Variants in PDE6A observed in about 807,000 individuals in gnomAD.
PDE6A encodes phosphodiesterase 6A, also known as rod cGMP-specific 3',5'-cyclic phosphodiesterase subunit alpha.
Under a neutral mutation model 106.3 loss-of-function variants are expected in PDE6A, and 84 were observed. The ratio of observed to expected loss-of-function variants is 0.79; its 90% confidence interval spans 0.66 to 0.95. The LOEUF is 0.95. Among genes scored for constraint, PDE6A ranks in the 40% least tolerant of loss-of-function variants. PDE6A has a pLI of 0.00. For synonymous variants in PDE6A, 394 were observed against 386.6 expected (o/e 1.02, Z -0.23); for missense variants, 1,052 against 1,084.9 (o/e 0.97, Z 0.43).
intron 6 of PDE6A, among the ~76,000 whole-genome samples, chr5:149,908,383 T>C (rs1753269820): frequency 6.6e-6 from 1 of 152,212 alleles, no homozygotes; most frequent in Admixed American, 6.5e-5. Context: ...CTTTACTAGA[T>C]GAGGCCAAAC....
At chr5:149,898,278 G>T in intron 10 of PDE6A, 85 bp downstream of exon 10, 2 of 1,233,272 alleles carry the variant, frequency 1.6e-6, no homozygotes, top group Non-Finnish European at 1.2e-6. Context: ...GTGCCCTCAT[G>T]GAGTTGCAAG....
At chr5:149,932,936 C>A (rs1041070481) in intron 3 of PDE6A, among the ~76,000 whole-genome samples, 1 of 152,200 alleles carries the variant, frequency 6.6e-6, no homozygotes, top group African/African-American at 2.4e-5. Context: ...GGCACAGCAC[C>A]GGCGGAGTGG....
rs373617704 is a variant in PDE6A at position 149,903,823 on chromosome 5, G to A, written c.1066-128C>T. On this transcript the variant is annotated intron_variant, in intron 7 of 21. Transcript: ENST00000255266. The stretch of plus-strand genomic sequence containing the variant: ...GCATTCACATTCTTTTCATCAGGTA[G>A]ACATAGTCGAGACAGTTTTCAATTA... 3.0e-5 allele frequency: 24 copies of A among 803,014 alleles called. No homozygotes were observed. The East Asian group carries it at 3.9e-4, about 13-fold the overall frequency. 49.7% of individuals were successfully genotyped at this position (803,014 alleles called of 1,614,324 possible).
intron 6 of PDE6A, among the ~76,000 whole-genome samples, chr5:149,910,874 CTTTT>C (rs386405293): frequency 3.8e-3 from 329 of 87,150 alleles, no homozygotes; most frequent in African/African-American, 0.014. Context: ...TTTCTTTTTC[CTTTT>C]TTTTTTTTTT....
In PDE6A at chr5:149,944,590, G is replaced by C; in HGVS notation, c.84C>G (p.Tyr28Ter). Residue 28 changes from tyrosine (Y) to a stop codon, truncating the protein, a stop_gained, in exon 1 of 22, where the codon TAC (tyrosine) becomes TAG (stop). Coordinates refer to ENST00000255266, the MANE Select transcript of PDE6A (RefSeq NM_000440.3). LOFTEE classifies it high-confidence loss of function. Reference protein sequence around the residue: ...GFAKQYYNLHYRAKLISDLLG... With the variant: ...GFAKQYYNLH ...GGAGGTCGGAGATGAGCTTGGCCCG[G>C]TAGTGGAGGTTGTAGTACTGTTTGG... 6.2e-7 allele frequency: 1 copy of C among 1,614,034 alleles called. No homozygotes were observed. Among genetic ancestry groups the C allele is most frequent in the Non-Finnish European group, 8.5e-7 (1 of 1,180,002 alleles).
Position 149,879,038 on chromosome 5 carries a change from T to C in PDE6A, c.2135+4391A>G, listed in dbSNP as rs184871116. On this transcript the variant is annotated intron_variant, in intron 17 of 21. Coordinates refer to ENST00000255266, the MANE Select transcript of PDE6A (RefSeq NM_000440.3). ...TTACGATTTTCATGTCATATTTTATTTATGTTTATTTTATTTTGTTTTATT... is the reference window on the plus strand; with the variant it reads ...TTACGATTTTCATGTCATATTTTATCTATGTTTATTTTATTTTGTTTTATT... Among the ~76,000 whole-genome samples, 552 of 152,096 alleles carry C rather than the reference T, an allele frequency of 3.6e-3. 2 individuals are homozygous for C. The highest frequency in any genetic ancestry group is 3.5e-3 in the Admixed American group (53 of 15,236).
Position 149,907,394 on chromosome 5 carries a change from A to T in PDE6A, c.999-16T>A, listed in dbSNP as rs1753232534. ...AGGTGGATTCCTGTGAAGGCCAAAG[A>T]CAAAACGGTGACTCTCAGTGCAGGG... On this transcript the variant is annotated splice_polypyrimidine_tract_variant and intron_variant, in intron 6 of 21. Transcript: ENST00000255266. 1 of 1,609,416 alleles carries T rather than the reference A, an allele frequency of 6.2e-7. No homozygotes were observed. Among genetic ancestry groups the T allele is most frequent in the East Asian group, 2.2e-5 (1 of 44,860 alleles).
At position 149,884,851 on chromosome 5, in the gene PDE6A, C is replaced by G. The variant is rs1752223184; in HGVS notation, c.1855G>C (p.Ala619Pro). 1 of 1,613,712 alleles carries G rather than the reference C, an allele frequency of 6.2e-7. No homozygotes were observed. The highest frequency in any genetic ancestry group is 8.5e-7 in the Non-Finnish European group (1 of 1,179,682). Residue 619 changes from alanine to proline, a missense_variant, in exon 15 of 22, where the codon GCC becomes CCC. Physicochemically the swap from Ala to Pro is conservative, Grantham distance 27. Around this residue, in one of 3 missense-constraint regions of PDE6A, gnomAD observed 913 missense variants for 915.2 expected, o/e 1.00. Coordinates refer to ENST00000255266, the MANE Select transcript of PDE6A (RefSeq NM_000440.3). ...AAGATAGAGGACCCATGGAGCTTGGCCAGTGGGTTCTGGGATCTGAATGAG... is the reference window on the plus strand; with the variant it reads ...AAGATAGAGGACCCATGGAGCTTGGGCAGTGGGTTCTGGGATCTGAATGAG... ...LYQMKSQNPL[A>P]KLHGSSILER...
At chr5:149,899,649 G>A (rs1752894970) in intron 8 of PDE6A, 125 bp from the exon 9 acceptor site, 7 of 933,698 alleles carry the variant, frequency 7.5e-6, no homozygotes, top group Non-Finnish European at 1.2e-5. Context: ...GGAGTTCATT[G>A]GATTTCGCAT....
chr5:149,902,638 T>C (rs1753021090), intron 8 of PDE6A, among the ~76,000 whole-genome samples: 1 of 151,906 alleles, frequency 6.6e-6, no homozygotes, highest in Non-Finnish European at 1.5e-5. Context: ...CTGATCAACA[T>C]GGCGAGATCC....
intron 17 of PDE6A, among the ~76,000 whole-genome samples, chr5:149,875,911 C>T (rs545526500): frequency 6.6e-6 from 1 of 152,156 alleles, no homozygotes; most frequent in South Asian, 2.1e-4. Context: ...CCTCTATTTC[C>T]ACTTGACTTC....
At chr5:149,943,820 C>T (rs1487691427) in intron 1 of PDE6A, among the ~76,000 whole-genome samples, 1 of 151,588 alleles carries the variant, frequency 6.6e-6, no homozygotes, top group Non-Finnish European at 1.5e-5. Context: ...TGTGTATTTC[C>T]AGAACAGGGA....
intron 17 of PDE6A, among the ~76,000 whole-genome samples, chr5:149,874,739 G>A (rs1195236587): frequency 6.6e-6 from 1 of 152,156 alleles, no homozygotes; most frequent in African/African-American, 2.4e-5. Context: ...GTCCTGCCAA[G>A]AGTCATCCCA....
At chr5:149,887,124 G>C (rs1752334598) in intron 13 of PDE6A, among the ~76,000 whole-genome samples, 1 of 152,174 alleles carries the variant, frequency 6.6e-6, no homozygotes, top group African/African-American at 2.4e-5. Flanking sequence ...AACCCTCTCA[G>C]TGAAAAATAC....
chr5:149,865,205 A>G (rs2113500458), intron 20 of PDE6A, among the ~76,000 whole-genome samples: 1 of 146,926 alleles, frequency 6.8e-6, no homozygotes, highest in East Asian at 2.0e-4. Flanking sequence ...GCACCACTGC[A>G]CTCCAACCTG....
chr5:149,886,635 G>T (rs1752316004), intron 13 of PDE6A, among the ~76,000 whole-genome samples: 2 of 152,148 alleles, frequency 1.3e-5, no homozygotes, highest in South Asian at 4.2e-4. Flanking sequence ...ACCTTAGCTG[G>T]TCTCATCTCC....
chr5:149,906,255 G>A (rs951814585), intron 7 of PDE6A, among the ~76,000 whole-genome samples: 8 of 151,680 alleles, frequency 5.3e-5, no homozygotes, highest in Admixed American at 1.3e-4. Context: ...GATGAGCATG[G>A]TGGTTCACGC....
intron 7 of PDE6A, among the ~76,000 whole-genome samples, chr5:149,906,448 C>T (rs1753182993): frequency 7.1e-6 from 1 of 141,654 alleles, no homozygotes; most frequent in Non-Finnish European, 1.5e-5. Context: ...ATTGTTTGAG[C>T]CCAGGAGGCG....
At chr5:149,865,951 G>T (rs1446679210) in intron 20 of PDE6A, among the ~76,000 whole-genome samples, 2 of 152,156 alleles carry the variant, frequency 1.3e-5, no homozygotes, top group Non-Finnish European at 2.9e-5. Context: ...CCACAATTAT[G>T]TATTAAGCAA....
Sources: allele counts gnomAD v4.1 joint callset (sites outside exome capture counted in the v4.1 genomes callset), GRCh38; gene constraint gnomAD v4.1.1; regional missense constraint gnomAD v4.1.1; transcripts MANE v1.5; gene names NCBI Gene and HGNC (gene_info 2026-07-23, HGNC 2026-07-21).